Variants in KHDRBS2 observed in about 807,000 individuals in gnomAD.
KHDRBS2 encodes the protein KH RNA binding domain containing, signal transduction associated 2, also known as KH domain-containing, RNA-binding, signal transduction-associated protein 2.
In KHDRBS2, 26 loss-of-function variants were observed where a neutral mutation model predicts 44.3. That is an observed-to-expected ratio of 0.59 (90% CI 0.43 to 0.81). KHDRBS2 has a LOEUF of 0.81. Ranked by LOEUF, KHDRBS2 falls within the 40% of genes least tolerant of loss-of-function variation. KHDRBS2 has a pLI of 0.00. For synonymous variants in KHDRBS2, 194 were observed against 151.1 expected (o/e 1.28, Z -2.08); for missense variants, 476 against 433.1 (o/e 1.10, Z -0.88).
At chr6:61,631,005 G>A in the KHDRBS2 span, among the ~76,000 whole-genome samples, 1 of 152,012 alleles carries the variant, frequency 6.6e-6, no homozygotes, top group Non-Finnish European at 1.5e-5. Flanking sequence ...GTCTTTCTTT[G>A]AAGAATACCT....
intron 1 of KHDRBS2, among the ~76,000 whole-genome samples, chr6:62,285,147 CA>C (rs1842308125): frequency 6.6e-6 from 1 of 151,848 alleles, no homozygotes; most frequent in African/African-American, 2.4e-5. Context: ...CAAAGCAATG[CA>C]AAAAACAAGA....
chr6:62,055,848 C>T (rs1298837448), intron 2 of KHDRBS2, among the ~76,000 whole-genome samples: 1 of 152,006 alleles, frequency 6.6e-6, no homozygotes, highest in African/African-American at 2.4e-5. Flanking sequence ...AGAGATCAGA[C>T]GTGGTGCTCT....
At chr6:62,099,325 T>A (rs1801336001) in intron 2 of KHDRBS2, among the ~76,000 whole-genome samples, 1 of 152,200 alleles carries the variant, frequency 6.6e-6, no homozygotes, top group Non-Finnish European at 1.5e-5. Context: ...TCTCAGAGCC[T>A]GTGATCACTA....
At chr6:61,603,427 C>A in the KHDRBS2 span, among the ~76,000 whole-genome samples, 2 of 152,144 alleles carry the variant, frequency 1.3e-5, no homozygotes, top group African/African-American at 2.4e-5. Context: ...ACCCTGACAC[C>A]CATCAGGCTC....
At chr6:62,044,703 GC>G (rs1460536198) in intron 3 of KHDRBS2, among the ~76,000 whole-genome samples, 1 of 151,958 alleles carries the variant, frequency 6.6e-6, no homozygotes, top group Non-Finnish European at 1.5e-5. Context: ...CACACAAGGA[GC>G]CCCTCATGTG....
chr6:62,012,009 TA>T (rs1235050910), intron 3 of KHDRBS2, among the ~76,000 whole-genome samples: 1 of 152,042 alleles, frequency 6.6e-6, no homozygotes, highest in African/African-American at 2.4e-5. Flanking sequence ...AGTAAGCAAA[TA>T]AAAAATGACA....
intron 4 of KHDRBS2, among the ~76,000 whole-genome samples, chr6:61,936,969 T>C (rs917371999): frequency 6.6e-6 from 1 of 152,090 alleles, no homozygotes; most frequent in African/African-American, 2.4e-5. Context: ...TAGGACTTAC[T>C]ATGTTTATAG....
intron 1 of KHDRBS2, among the ~76,000 whole-genome samples, chr6:62,219,562 A>T (rs1353397088): frequency 4.0e-5 from 6 of 151,452 alleles, no homozygotes; most frequent in Non-Finnish European, 8.9e-5. Context: ...TACCAACCTA[A>T]AAGATGCATA....
rs201861160 is a variant in KHDRBS2 at position 62,100,733 on chromosome 6, C to A, written c.220-52739G>T. Among the ~76,000 whole-genome samples the A allele has an allele frequency of 2.8e-4, 43 of 152,200 alleles. No individual in the cohort carries two copies. The East Asian group carries it at 8.1e-3, about 29-fold the overall frequency. ...ATATGTACATTTTTTAGAAATAATA[C>A]TTTATACTTAAATAGACTATAGTGT... On this transcript the variant is annotated intron_variant, in intron 2 of 8. Coordinates refer to ENST00000281156, the MANE Select transcript of KHDRBS2 (RefSeq NM_152688.4).
rs111477171 is a variant in KHDRBS2 at position 61,868,770 on chromosome 6, A to T, written c.810+25865T>A. Among the ~76,000 whole-genome samples, 90 of 152,332 alleles carry T rather than the reference A, an allele frequency of 5.9e-4. 1 individual carries two copies. The highest frequency in any genetic ancestry group is 2.0e-3 in the African/African-American group (84 of 41,578). On this transcript the variant is annotated intron_variant, in intron 6 of 8. Coordinates refer to ENST00000281156, the MANE Select transcript of KHDRBS2 (RefSeq NM_152688.4). ...TTGGGTCCAGTCTCAGGTAAGCCAC[A>T]GGCTGAGGCTGCTCAGACCCCTGCA... is the stretch of plus-strand genomic sequence containing the variant.
chr6:61,709,200 A>C (rs1460496350), intron 7 of KHDRBS2, among the ~76,000 whole-genome samples: 3 of 151,676 alleles, frequency 2.0e-5, no homozygotes, highest in Non-Finnish European at 4.4e-5. Flanking sequence ...GCAGCACTGG[A>C]GAGATTTCAT....
intron 2 of KHDRBS2, among the ~76,000 whole-genome samples, chr6:62,175,743 T>G (rs1418610325): frequency 6.6e-6 from 1 of 151,470 alleles, no homozygotes; most frequent in Non-Finnish European, 1.5e-5. Context: ...ACACAAAAAT[T>G]TGACATCATA....
At chr6:62,144,502 T>C (rs1813521593) in intron 2 of KHDRBS2, among the ~76,000 whole-genome samples, 1 of 151,910 alleles carries the variant, frequency 6.6e-6, no homozygotes, top group African/African-American at 2.4e-5. Flanking sequence ...TCTCCTTTAA[T>C]ACCTGTATAC....
chr6:62,195,957 G>C (rs1267730641), intron 1 of KHDRBS2, among the ~76,000 whole-genome samples: 2 of 152,100 alleles, frequency 1.3e-5, no homozygotes, highest in Non-Finnish European at 2.9e-5. Flanking sequence ...TAATGTTGTT[G>C]AGCTGCCTGT....
intron 2 of KHDRBS2, among the ~76,000 whole-genome samples, chr6:62,129,444 A>G (rs1361098956): frequency 6.6e-6 from 1 of 152,204 alleles, no homozygotes; most frequent in Non-Finnish European, 1.5e-5. Context: ...AAATACATAA[A>G]TGCAACTATA....
chr6:61,603,177 C>G, the KHDRBS2 span, among the ~76,000 whole-genome samples: 3 of 152,280 alleles, frequency 2.0e-5, no homozygotes, highest in Admixed American at 2.0e-4. Context: ...CCTATAAACT[C>G]TCCTTACAAT....
intron 2 of KHDRBS2, among the ~76,000 whole-genome samples, chr6:62,091,590 C>T (rs1292121647): frequency 3.3e-5 from 5 of 152,018 alleles, no homozygotes; most frequent in African/African-American, 4.8e-5. Flanking sequence ...TGCAAGTTGG[C>T]TGACAGAATT....
chr6:62,098,994 T>G (rs530467651), intron 2 of KHDRBS2, among the ~76,000 whole-genome samples: 1 of 152,212 alleles, frequency 6.6e-6, no homozygotes, highest in Non-Finnish European at 1.5e-5. Context: ...TTTAAAAAAA[T>G]TATTTTAAAC....
chr6:61,608,005 T>A, the KHDRBS2 span, among the ~76,000 whole-genome samples: 48 of 152,134 alleles, frequency 3.2e-4, no homozygotes, highest in African/African-American at 1.1e-3. Context: ...TTCTTTAATG[T>A]AGCCAATGAT....
Sources: allele counts gnomAD v4.1 joint callset (sites outside exome capture counted in the v4.1 genomes callset), GRCh38; gene constraint gnomAD v4.1.1; transcripts MANE v1.5; gene names NCBI Gene and HGNC (gene_info 2026-07-23, HGNC 2026-07-21).